Variants in LPIN2 observed in about 807,000 individuals in gnomAD.
LPIN2 encodes phosphatidate phosphatase LPIN2.
In LPIN2, 55 loss-of-function variants were observed where a neutral mutation model predicts 111.4. That is an observed-to-expected ratio of 0.49 (90% CI 0.40 to 0.62). The LOEUF is 0.62. Ranked by LOEUF, LPIN2 falls within the 20% of genes least tolerant of loss-of-function variation. The pLI is 0.00. For synonymous variants in LPIN2, 425 were observed against 414.0 expected (o/e 1.03, Z -0.32); for missense variants, 992 against 1,112.1 (o/e 0.89, Z 1.54).
intron 3 of LPIN2, among the ~76,000 whole-genome samples, chr18:2,953,234 A>G (rs1223239492): frequency 6.6e-6 from 1 of 152,234 alleles, no homozygotes; most frequent in East Asian, 1.9e-4. Flanking sequence ...CGGAACTGTC[A>G]GAATAAGCCA....
At chr18:2,933,928 A>G (rs1407590038) in intron 8 of LPIN2, among the ~76,000 whole-genome samples, 1 of 152,246 alleles carries the variant, frequency 6.6e-6, no homozygotes, top group African/African-American at 2.4e-5. Flanking sequence ...CCCGGTTCAG[A>G]AAAGGCTCAG....
chr18:2,944,216 A>T (rs1266321520), intron 4 of LPIN2, among the ~76,000 whole-genome samples: 1 of 151,224 alleles, frequency 6.6e-6, no homozygotes, highest in Non-Finnish European at 1.5e-5. Context: ...AGAATTGTGA[A>T]GCTCTTCATG....
chr18:2,999,440 CA>C lies in LPIN2; in HGVS notation c.-10+13646del, dbSNP rs1296933518. 5.0e-3 allele frequency among the ~76,000 whole-genome samples: 660 copies of C among 131,718 alleles called. 2 individuals carry two copies. The highest frequency in any genetic ancestry group is 0.035 in the East Asian group (164 of 4,624). The allele number at this position is 131,718 out of a possible 152,430, so 86.4% of individuals were successfully genotyped here. ...TGAAACCCCGTCTCTACTAAAAATA[CA>C]AAAAAAAAAAAAAATTAGCCGGGCG... is the stretch of plus-strand genomic sequence containing the variant. On this transcript the variant is annotated intron_variant, in intron 1 of 19. Coordinates refer to ENST00000677752, the MANE Select transcript of LPIN2 (RefSeq NM_001375808.2).
chr18:2,970,291 C>G (rs1381833748), intron 1 of LPIN2, among the ~76,000 whole-genome samples: 1 of 152,210 alleles, frequency 6.6e-6, no homozygotes, highest in Non-Finnish European at 1.5e-5. Flanking sequence ...CAAGGGTGGG[C>G]CCCCAGTAGC....
At chr18:3,012,732 G>C (rs886118683) in intron 1 of LPIN2, among the ~76,000 whole-genome samples, 3 of 152,126 alleles carry the variant, frequency 2.0e-5, no homozygotes, top group Admixed American at 1.3e-4. Flanking sequence ...GGTGGTCTCG[G>C]GTAACCATCC....
chr18:2,934,639 A>G (rs907254549), intron 7 of LPIN2, among the ~76,000 whole-genome samples, 189 bp from the exon 8 acceptor site: 1 of 152,240 alleles, frequency 6.6e-6, no homozygotes, highest in Non-Finnish European at 1.5e-5. Flanking sequence ...AGAGAAGTTC[A>G]GTGCTCCATA....
rs1308326613 is a variant in LPIN2, at chr18:2,919,625, T to G, written c.*668A>C. On this transcript the variant is annotated 3_prime_UTR_variant, in exon 20 of 20. Coordinates refer to ENST00000677752, the MANE Select transcript of LPIN2 (RefSeq NM_001375808.2). Reference sequence around the variant, plus strand: ...TGGTGAGGACTAAGAAATTAAGGGCTCGTGGAGTTGTCACAGATGAGAGGA... The same window carrying G: ...TGGTGAGGACTAAGAAATTAAGGGCGCGTGGAGTTGTCACAGATGAGAGGA... 1.9e-5 allele frequency: 3 copies of G among 155,286 alleles called. No individual in the cohort carries two copies. The East Asian group carries it at 5.7e-4, about 30-fold the overall frequency. The allele number at this position is 155,286 out of a possible 1,614,324, so 9.6% of individuals were successfully genotyped here. A position where few individuals can be genotyped will look rare whatever the true frequency, so the allele number is the denominator to read the frequency against.
rs1233668641 is a variant in LPIN2 at position 2,937,926 on chromosome 18, C to T, written c.934G>A (p.Glu312Lys). 1 of 1,614,150 alleles carries T rather than the reference C, an allele frequency of 6.2e-7. No homozygotes were observed. The highest frequency in any genetic ancestry group is 8.5e-7 in the Non-Finnish European group (1 of 1,180,034). Residue 312 changes from glutamate (E) to lysine (K), a missense_variant, in exon 7 of 20, where the codon GAG becomes AAG. Coordinates refer to ENST00000677752, the MANE Select transcript of LPIN2 (RefSeq NM_001375808.2). ...GTGTCTTCCATGGAAGCATCCTTCT[C>T]AACTTCACTGATGAGGTTGTCCTCA... Reference protein sequence around the residue: ...PSEDNLISEVEKDASMEDTVC... With the variant: ...PSEDNLISEVKKDASMEDTVC...
chr18:2,924,608 A>G, intron 14 of LPIN2, 62 bp from the exon 15 acceptor site: 1 of 1,561,428 alleles, frequency 6.4e-7, no homozygotes, highest in East Asian at 2.2e-5. Context: ...ACGATTTAAA[A>G]ATTTACAGAA....
intron 4 of LPIN2, chr18:2,948,219 G>A (rs1056589721): frequency 5.3e-5 from 8 of 152,074 alleles, no homozygotes; most frequent in Non-Finnish European, 1.0e-4. Flanking sequence ...TAAAGAAAAA[G>A]CAAAACACCA....
intron 4 of LPIN2, among the ~76,000 whole-genome samples, chr18:2,944,766 T>TA: frequency 6.6e-6 from 1 of 152,312 alleles, no homozygotes; most frequent in Non-Finnish European, 1.5e-5. Flanking sequence ...TGTAAATCAG[T>TA]AACAATTAGT....
At chr18:2,946,895 T>A in intron 4 of LPIN2, 1 of 306,012 alleles carries the variant, frequency 3.3e-6, no homozygotes, top group South Asian at 2.9e-5. Flanking sequence ...GCATTTCCCG[T>A]AAGACATATG....
chr18:2,987,111 A>G (rs544864874), intron 1 of LPIN2, among the ~76,000 whole-genome samples: 12 of 152,234 alleles, frequency 7.9e-5, no homozygotes, highest in Non-Finnish European at 1.5e-4. Context: ...TTCTGGGGTT[A>G]TATCACCCCC....
At chr18:2,952,947 GA>G (rs1420942192) in intron 3 of LPIN2, among the ~76,000 whole-genome samples, 1 of 152,046 alleles carries the variant, frequency 6.6e-6, no homozygotes. Flanking sequence ...AAATCTGAGA[GA>G]AAAAAATCAA....
At chr18:2,926,043 G>A (rs1044442478) in intron 13 of LPIN2, among the ~76,000 whole-genome samples, 2 of 152,142 alleles carry the variant, frequency 1.3e-5, no homozygotes, top group Admixed American at 1.3e-4. Flanking sequence ...TACTTAGGAG[G>A]CCGAGGCAGG....
intron 1 of LPIN2, chr18:2,985,454 T>TA (rs1429455218): frequency 3.9e-5 from 6 of 152,060 alleles, no homozygotes; most frequent in Admixed American, 2.6e-4. Context: ...ATCTTTTTTT[T>TA]AAAAAGTGCA....
chr18:2,939,119 C>T (rs1008193611), intron 6 of LPIN2, among the ~76,000 whole-genome samples: 1 of 152,176 alleles, frequency 6.6e-6, no homozygotes. Flanking sequence ...TGTGGCTGCA[C>T]CACTGCTCTC....
chr18:2,967,317 T>G (rs2044639240), intron 1 of LPIN2, among the ~76,000 whole-genome samples: 1 of 152,230 alleles, frequency 6.6e-6, no homozygotes, highest in East Asian at 1.9e-4. Flanking sequence ...AGGGCTGAAC[T>G]CAGGTTATAC....
At chr18:2,953,109 G>C (rs941310671) in intron 3 of LPIN2, among the ~76,000 whole-genome samples, 1 of 152,088 alleles carries the variant, frequency 6.6e-6, no homozygotes, top group African/African-American at 2.4e-5. Flanking sequence ...TTTATTTTAA[G>C]GAGAAGCATA....
Sources: allele counts gnomAD v4.1 joint callset (sites outside exome capture counted in the v4.1 genomes callset), GRCh38; gene constraint gnomAD v4.1.1; transcripts MANE v1.5; gene names NCBI Gene and HGNC (gene_info 2026-07-23, HGNC 2026-07-21).